Variants in WDFY2 observed in about 807,000 individuals in gnomAD.
The protein encoded by WDFY2 is WD repeat and FYVE domain containing 2, also known as WD repeat and FYVE domain-containing protein 2.
WDFY2 carries 36 observed loss-of-function variants against 56.4 expected under a neutral mutation model. That is an observed-to-expected ratio of 0.64 (90% CI 0.49 to 0.84). The LOEUF (loss-of-function observed/expected upper bound fraction) is 0.84. Among genes scored for constraint, WDFY2 ranks in the 40% least tolerant of loss-of-function variants. The probability of loss-of-function intolerance (pLI) is 0.00; values close to 1 mark genes in which losing one functional copy is unlikely to be tolerated. For missense variants in WDFY2, 444 were observed against 512.2 expected (o/e 0.87, Z 1.29); for synonymous variants, 176 against 183.7 (o/e 0.96, Z 0.34).
intron 7 of WDFY2, among the ~76,000 whole-genome samples, chr13:51,748,566 C>A (rs1218040881): frequency 6.6e-6 from 1 of 152,088 alleles, no homozygotes; most frequent in Non-Finnish European, 1.5e-5. Flanking sequence ...TAGATGATAA[C>A]ACAATTTTAA....
rs1954112579 is a variant in WDFY2, at chr13:51,594,694, T to G, written c.137+9870T>G. On this transcript the variant is annotated intron_variant, in intron 1 of 11. Transcript: ENST00000298125. ...GGCTAATGGGAAAGGAATCAGATAT[T>G]GGCTCTTTCCAAAGCCTTAGGATTT... is the stretch of plus-strand genomic sequence containing the variant. 3.3e-5 allele frequency among the ~76,000 whole-genome samples: 5 copies of G among 152,226 alleles called. No homozygotes were observed. In the South Asian group the frequency reaches 1.0e-3, roughly 31 times the overall value.
intron 1 of WDFY2, among the ~76,000 whole-genome samples, chr13:51,652,894 C>T (rs888171302): frequency 6.6e-6 from 1 of 152,090 alleles, no homozygotes; most frequent in African/African-American, 2.4e-5. Context: ...TGGAGTTGCT[C>T]GTCTCGAGGA....
chr13:51,649,082 G>A (rs1021027050), intron 1 of WDFY2, among the ~76,000 whole-genome samples: 3 of 152,236 alleles, frequency 2.0e-5, no homozygotes, highest in Admixed American at 2.0e-4. Context: ...GGGAGGTGGA[G>A]GTTGCAGTGA....
chr13:51,651,665 T>C (rs1019878688), intron 1 of WDFY2, among the ~76,000 whole-genome samples: 3 of 152,224 alleles, frequency 2.0e-5, no homozygotes, highest in African/African-American at 7.2e-5. Context: ...GCCTTGATTT[T>C]GTTATGTACC....
intron 1 of WDFY2, among the ~76,000 whole-genome samples, chr13:51,596,777 G>T (rs1025913655): frequency 6.6e-6 from 1 of 152,186 alleles, no homozygotes; most frequent in Non-Finnish European, 1.5e-5. Context: ...AGGATCTGAG[G>T]GGGTCTTATC....
chr13:51,735,390 T>A (rs990603794), intron 6 of WDFY2, among the ~76,000 whole-genome samples: 2 of 152,022 alleles, frequency 1.3e-5, no homozygotes, highest in Non-Finnish European at 2.9e-5. Context: ...TATAGTGGGG[T>A]CTGTGTAGCA....
intron 1 of WDFY2, among the ~76,000 whole-genome samples, chr13:51,585,101 T>C (rs111562513): frequency 6.6e-6 from 1 of 152,152 alleles, no homozygotes; most frequent in East Asian, 1.9e-4. Context: ...AACGGTGCGC[T>C]GGAGGGACTT....
At chr13:51,733,501 G>A (rs1593460538) in intron 6 of WDFY2, among the ~76,000 whole-genome samples, 1 of 152,234 alleles carries the variant, frequency 6.6e-6, no homozygotes, top group Admixed American at 6.5e-5. Flanking sequence ...TTATTCTCAG[G>A]TTGGCGGGAA....
At chr13:51,654,498 G>A (rs770430318) in intron 1 of WDFY2, among the ~76,000 whole-genome samples, 37 of 152,232 alleles carry the variant, frequency 2.4e-4, no homozygotes, top group Admixed American at 3.9e-4. Flanking sequence ...CGTCGCTCAC[G>A]GTAGGAGCTG....
chr13:51,704,192 C>T lies in WDFY2; in HGVS notation c.334+542C>T, dbSNP rs374295852. 1.5e-4 allele frequency among the ~76,000 whole-genome samples: 23 copies of T among 152,272 alleles called. No homozygotes were observed. In the East Asian group the frequency reaches 2.5e-3, roughly 17 times the overall value. ...GTCATTTCCTCCAATTCTCTTGACT[C>T]GCCTTTAATGAGAGGATGATCATCC... On this transcript the variant is annotated intron_variant, in intron 4 of 11. Coordinates refer to ENST00000298125, the MANE Select transcript of WDFY2 (RefSeq NM_052950.4).
chr13:51,658,710 C>T (rs761650137), intron 1 of WDFY2, among the ~76,000 whole-genome samples: 14 of 152,188 alleles, frequency 9.2e-5, no homozygotes, highest in South Asian at 2.1e-4. Context: ...TGCCGATATG[C>T]GTATCGCTAT....
rs1398546956 is a variant in WDFY2, at chr13:51,691,698, G to A, written c.280-11898G>A. ...GATGCGGGCTCTTTTTTGGTTCCATGTGAACTTTAAAGTAGTTTTTTCCAA... is the reference window on the plus strand; with the variant it reads ...GATGCGGGCTCTTTTTTGGTTCCATATGAACTTTAAAGTAGTTTTTTCCAA... On this transcript the variant is annotated intron_variant, in intron 3 of 11. Coordinates refer to ENST00000298125, the MANE Select transcript of WDFY2 (RefSeq NM_052950.4). Among the ~76,000 whole-genome samples the A allele has an allele frequency of 5.4e-3, 816 of 151,636 alleles. 6 individuals carry two copies. Among genetic ancestry groups the A allele is most frequent in the Middle Eastern group, 0.017 (5 of 294 alleles).
chr13:51,683,792 A>T (rs967880572), intron 3 of WDFY2, among the ~76,000 whole-genome samples: 4 of 152,094 alleles, frequency 2.6e-5, no homozygotes. Flanking sequence ...ATTAGCAGAG[A>T]GGGGAGTGGT....
At chr13:51,753,307 A>C (rs1953279388) in intron 8 of WDFY2, among the ~76,000 whole-genome samples, 1 of 152,248 alleles carries the variant, frequency 6.6e-6, no homozygotes, top group African/African-American at 2.4e-5. Context: ...GCTAGCTGAA[A>C]GATAAGGACA....
At chr13:51,624,713 C>T (rs1954807894) in intron 1 of WDFY2, among the ~76,000 whole-genome samples, 2 of 152,142 alleles carry the variant, frequency 1.3e-5, no homozygotes, top group South Asian at 4.2e-4. Flanking sequence ...GAAGTTTTTC[C>T]TTTTAAAAAA....
intron 1 of WDFY2, among the ~76,000 whole-genome samples, chr13:51,585,214 A>G (rs1377703267): frequency 1.3e-5 from 2 of 152,198 alleles, no homozygotes; most frequent in Non-Finnish European, 2.9e-5. Context: ...CAAGATAACC[A>G]AGGGGTTTGG....
intron 3 of WDFY2, among the ~76,000 whole-genome samples, chr13:51,691,871 G>C (rs1391881814): frequency 2.0e-5 from 3 of 151,298 alleles, no homozygotes; most frequent in Admixed American, 6.6e-5. Flanking sequence ...CTTTTATTTC[G>C]TTGAGCAGTG....
At chr13:51,740,713 CA>C (rs5803567) in intron 7 of WDFY2, among the ~76,000 whole-genome samples, 20,392 of 90,058 alleles carry the variant, frequency 0.23, 1,664 homozygotes, top group African/African-American at 0.34. Flanking sequence ...GACTCCGTCT[CA>C]AAAAAAAAAA....
At chr13:51,638,564 G>C (rs539594062) in intron 1 of WDFY2, among the ~76,000 whole-genome samples, 6 of 152,220 alleles carry the variant, frequency 3.9e-5, no homozygotes, top group Middle Eastern at 3.4e-3. Flanking sequence ...CCTCAAAGAC[G>C]AAAAGAAACT....
Sources: gnomAD v4.1 joint callset for allele counts (sites outside exome capture counted in the v4.1 genomes callset) on GRCh38, gnomAD v4.1.1 for gene constraint, MANE v1.5 for transcripts, NCBI Gene and HGNC (gene_info 2026-07-23, HGNC 2026-07-21) for gene names.